Variants in LAMA2 observed in about 807,000 individuals in gnomAD.
The protein encoded by LAMA2 is laminin subunit alpha 2.
A neutral mutation model predicts 364.8 loss-of-function variants in LAMA2; 269 were observed. The observed-to-expected ratio is 0.74, with a 90% CI of 0.67 to 0.82. The LOEUF is 0.82. Among genes scored for constraint, LAMA2 ranks in the 40% least tolerant of loss-of-function variants. LAMA2 has a pLI of 0.00. For synonymous variants in LAMA2, 1,379 were observed against 1,370.6 expected (o/e 1.01, Z -0.14); for missense variants, 3,807 against 3,873.2 (o/e 0.98, Z 0.45).
intron 12 of LAMA2, among the ~76,000 whole-genome samples, chr6:129,231,026 C>T (rs1784641419): frequency 6.6e-6 from 1 of 151,964 alleles, no homozygotes; most frequent in Non-Finnish European, 1.5e-5. Flanking sequence ...GTGCTGTACA[C>T]TAAATATCAG....
intron 22 of LAMA2, 84 bp downstream of exon 22, chr6:129,300,956 C>T (rs1249471978): frequency 1.8e-6 from 2 of 1,121,108 alleles, no homozygotes; most frequent in Admixed American, 1.7e-5. Flanking sequence ...TTTCAAAATT[C>T]AATATTACAT....
intron 41 of LAMA2, among the ~76,000 whole-genome samples, chr6:129,431,411 A>C (rs1190367889): frequency 1.3e-5 from 2 of 151,890 alleles, no homozygotes; most frequent in Admixed American, 1.3e-4. Context: ...AAAAAAAAAA[A>C]AAAACTAGGT....
chr6:129,145,821 CA>C (rs1778401136), intron 5 of LAMA2, among the ~76,000 whole-genome samples: 2 of 151,866 alleles, frequency 1.3e-5, no homozygotes, highest in South Asian at 4.1e-4. Flanking sequence ...AAGCATTATA[CA>C]TTTATATTTA....
At chr6:129,513,831 C>T (rs569333358) in intron 63 of LAMA2, among the ~76,000 whole-genome samples, 9 of 151,986 alleles carry the variant, frequency 5.9e-5, no homozygotes, top group Middle Eastern at 3.2e-3. Context: ...TGACATGAAA[C>T]GGGCTCCAAA....
intron 36 of LAMA2, among the ~76,000 whole-genome samples, chr6:129,392,780 AGAATGACATGATTCAAAATGTTATTT>A (rs1779390509): frequency 6.6e-6 from 1 of 152,250 alleles, no homozygotes; most frequent in African/African-American, 2.4e-5. Context: ...TCAGATTCCT[AGAATGACATGATTCAAAATGTTATTT>A]TACTTACAAA....
chr6:129,044,764 C>CA (rs1377048447), intron 1 of LAMA2, among the ~76,000 whole-genome samples: 1 of 152,026 alleles, frequency 6.6e-6, no homozygotes, highest in Non-Finnish European at 1.5e-5. Context: ...GGATAATGAT[C>CA]ACTGGCTTTT....
At chr6:128,958,534 G>GT (rs1199763906) in intron 1 of LAMA2, among the ~76,000 whole-genome samples, 1 of 151,996 alleles carries the variant, frequency 6.6e-6, no homozygotes, top group Non-Finnish European at 1.5e-5. Flanking sequence ...ATTTCAACTA[G>GT]TTTTTCTGAT....
At chr6:128,905,616 T>A (rs1777398283) in intron 1 of LAMA2, 1 of 151,952 alleles carries the variant, frequency 6.6e-6, no homozygotes, top group African/African-American at 2.4e-5. Flanking sequence ...TTTCGTTTTT[T>A]TATTTTTTAT....
At chr6:129,317,847 T>C (rs1057004491) in intron 27 of LAMA2, among the ~76,000 whole-genome samples, 4 of 152,128 alleles carry the variant, frequency 2.6e-5, no homozygotes, top group Non-Finnish European at 4.4e-5. Context: ...TTAATTATAC[T>C]TTCTTTGCTT....
At chr6:129,251,076 C>CTA (rs71714357) in intron 13 of LAMA2, among the ~76,000 whole-genome samples, 191 of 49,800 alleles carry the variant, frequency 3.8e-3, no homozygotes, top group Middle Eastern at 0.011. Flanking sequence ...CTCTCTCTCT[C>CTA]TATATATATA....
At chr6:129,098,559 A>C in intron 4 of LAMA2, 144 bp downstream of exon 4, 1 of 962,002 alleles carries the variant, frequency 1.0e-6, no homozygotes, top group South Asian at 1.5e-5. Flanking sequence ...TTATTAAATA[A>C]AAAAGAAAAA....
At chr6:129,316,518 C>A (rs1233747641) in intron 27 of LAMA2, among the ~76,000 whole-genome samples, 1 of 152,206 alleles carries the variant, frequency 6.6e-6, no homozygotes, top group African/African-American at 2.4e-5. Context: ...AAAGTGACCT[C>A]TTCACCCATC....
chr6:129,464,333 G>A lies in LAMA2; in HGVS notation c.7036G>A (p.Glu2346Lys). The change falls in exon 50 of 65, where the codon GAA (glutamate) becomes AAA (lysine). Residue 2346 changes from glutamate to lysine, a missense_variant. Glu to Lys is a moderately conservative substitution (Grantham distance 56). This residue lies in a region of LAMA2 where 3,333 missense variants were observed against 3,345.7 expected (regional missense o/e 1.00). Coordinates refer to ENST00000421865, the MANE Select transcript of LAMA2 (RefSeq NM_000426.4). Reference sequence around the variant, plus strand: ...TGAGGGGACTATTCAATTTGATGGAGAAGGTTATGCATTGGTCAGCCGTCC... The same window carrying A: ...TGAGGGGACTATTCAATTTGATGGAAAAGGTTATGCATTGGTCAGCCGTCC... ...DSEGTIQFDGEGYALVSRPIR... is the reference protein window; with the variant it reads ...DSEGTIQFDGKGYALVSRPIR... 1 of 1,612,204 alleles carries A rather than the reference G, an allele frequency of 6.2e-7. No homozygotes were observed.
intron 1 of LAMA2, among the ~76,000 whole-genome samples, chr6:128,995,483 G>T (rs1783872872): frequency 6.6e-6 from 1 of 152,076 alleles, no homozygotes; most frequent in South Asian, 2.1e-4. Flanking sequence ...CACCACGCCT[G>T]GATAACTTTT....
At chr6:129,129,937 A>AT (rs1279336931) in intron 4 of LAMA2, among the ~76,000 whole-genome samples, 1 of 151,676 alleles carries the variant, frequency 6.6e-6, no homozygotes, top group South Asian at 2.1e-4. Flanking sequence ...AAAAAAAAAA[A>AT]AAAAAATAAC....
At chr6:129,047,072 A>G (rs1247275066) in intron 1 of LAMA2, among the ~76,000 whole-genome samples, 1 of 152,236 alleles carries the variant, frequency 6.6e-6, no homozygotes, top group Non-Finnish European at 1.5e-5. Context: ...AACCTAGAAA[A>G]TAAAATGTCT....
intron 7 of LAMA2, among the ~76,000 whole-genome samples, chr6:129,150,408 T>C (rs1191115578): frequency 6.6e-6 from 1 of 152,170 alleles, no homozygotes; most frequent in African/African-American, 2.4e-5. Flanking sequence ...ATATCAGTAA[T>C]CATAAGTGGG....
chr6:129,109,776 A>C (rs2114897539), intron 4 of LAMA2, among the ~76,000 whole-genome samples: 1 of 152,178 alleles, frequency 6.6e-6, no homozygotes, highest in Non-Finnish European at 1.5e-5. Flanking sequence ...TTTAAAAATT[A>C]TGTTTTTCTT....
chr6:128,935,256 C>T (rs1391611504), intron 1 of LAMA2, among the ~76,000 whole-genome samples: 5 of 150,844 alleles, frequency 3.3e-5, no homozygotes, highest in Non-Finnish European at 7.4e-5. Context: ...TAATGTTCCC[C>T]TCCCTGTGTC....
Sources: allele counts gnomAD v4.1 joint callset (sites outside exome capture counted in the v4.1 genomes callset), GRCh38; gene constraint gnomAD v4.1.1; regional missense constraint gnomAD v4.1.1; transcripts MANE v1.5; gene names NCBI Gene and HGNC (gene_info 2026-07-23, HGNC 2026-07-21).